Variants in HBG1 observed in about 807,000 individuals in gnomAD.
HBG1 encodes the protein hemoglobin subunit gamma 1, also known as hemoglobin subunit gamma-1.
A neutral mutation model predicts 5.9 loss-of-function variants in HBG1; 1 was observed. The observed-to-expected ratio is 0.17, with a 90% CI of 0.06 to 0.81. The LOEUF (loss-of-function observed/expected upper bound fraction) is 0.81, where lower values mean the gene tolerates loss of function less well. Among genes scored for constraint, HBG1 ranks in the 30% least tolerant of loss-of-function variants. HBG1 has a pLI of 0.73. For missense variants in HBG1, 57 were observed against 122.0 expected (o/e 0.47, Z 2.51); for synonymous variants, 19 against 50.5 (o/e 0.38, Z 2.64).
At position 5,249,737 on chromosome 11, in the gene HBG1, T is replaced by C. The variant is rs33970907; in HGVS notation, c.68A>G (p.Asp23Gly). Reference sequence around the variant, plus strand: ...CCTTCCCAGGGTTTCTCCTCCAGCATCTTCCACATTCACCTTGCCCCACAG... The same window carrying C: ...CCTTCCCAGGGTTTCTCCTCCAGCACCTTCCACATTCACCTTGCCCCACAG... ...TSLWGKVNVEDAGGETLGRLL... is the reference protein window; with the variant it reads ...TSLWGKVNVEGAGGETLGRLL... The change falls in exon 1 of 3, where the codon GAT becomes GGT. Residue 23 changes from aspartate (D) to glycine (G), a missense_variant. By Grantham distance (94) the Asp-to-Gly change is moderately conservative (BLOSUM62 -1). Coordinates refer to ENST00000330597, the MANE Select transcript of HBG1 (RefSeq NM_000559.3). 8.4e-6 allele frequency: 3 copies of C among 358,738 alleles called. No homozygotes were observed. The highest frequency in any genetic ancestry group is 5.2e-5 in the South Asian group (2 of 38,788). The allele number at this position is 358,738 out of a possible 1,614,324, so 22.2% of individuals were successfully genotyped here.
intron 2 of HBG1, among the ~76,000 whole-genome samples, chr11:5,248,705 C>T (rs112322543): frequency 3.0e-4 from 46 of 151,424 alleles, no homozygotes; most frequent in Non-Finnish European, 5.1e-4. Flanking sequence ...CTTCTTGCCA[C>T]CATGAACCCT....
In HBG1 at chr11:5,248,338, T is replaced by C. The variant is rs1246969291; in HGVS notation, c.*21A>G. On this transcript the variant is annotated 3_prime_UTR_variant, in exon 3 of 3. Transcript: ENST00000330597. ...CAGAATAAAGCCTATCCTTGAAAGC[T>C]CTGAATCATGGGCAGTGAGCTCAGT... The C allele has an allele frequency of 6.8e-6, 11 of 1,613,564 alleles. No homozygotes were observed. Among genetic ancestry groups the C allele is most frequent in the African/African-American group, 1.3e-5 (1 of 74,916 alleles).
intron 2 of HBG1, among the ~76,000 whole-genome samples, chr11:5,248,906 G>C (rs1847914069): frequency 6.7e-6 from 1 of 148,742 alleles, no homozygotes. Context: ...TTGTAATGAA[G>C]CATTAGCAGC....
chr11:5,249,222 C>T (rs1847918694), intron 2 of HBG1, 146 bp downstream of exon 2: 2 of 747,734 alleles, frequency 2.7e-6, no homozygotes, highest in Non-Finnish European at 4.5e-6. Context: ...CACTGGGTCT[C>T]AGCCCAGTTA....
rs559993862 is a variant in HBG1 at position 5,248,376 on chromosome 11, A to C, written c.427T>G (p.Ser143Ala). ...KMVTAVASALSSRYH is the reference protein window; with the variant it reads ...KMVTAVASALASRYH ...CAGTGAGCTCAGTGGTATCTGGAGG[A>C]CAGGGCACTGGCCACTGCAGTCACC... Residue 143 changes from serine (S) to alanine (A), a missense_variant, in exon 3 of 3, where the codon TCC (serine) becomes GCC (alanine). This residue lies in a region of HBG1 where 43 missense variants were observed against 44.9 expected (regional missense o/e 0.96). Transcript: ENST00000330597. 2.7e-5 allele frequency: 44 copies of C among 1,614,178 alleles called. 2 individuals are homozygous for C. In the South Asian group the frequency reaches 4.0e-4, roughly 14 times the overall value.
In HBG1 at chr11:5,248,327, T is replaced by C. The variant is rs765956335; in HGVS notation, c.*32A>G. ...TGTATTGCTTGCAGAATAAAGCCTATCCTTGAAAGCTCTGAATCATGGGCA... is the reference window on the plus strand; with the variant it reads ...TGTATTGCTTGCAGAATAAAGCCTACCCTTGAAAGCTCTGAATCATGGGCA... On this transcript the variant is annotated 3_prime_UTR_variant, in exon 3 of 3. Transcript: ENST00000330597. 3.1e-6 allele frequency: 5 copies of C among 1,612,576 alleles called. No homozygotes were observed. In the South Asian group the frequency reaches 3.3e-5, roughly 11 times the overall value.
At chr11:5,248,604 C>T (rs1847907695) in intron 2 of HBG1, 117 bp from the exon 3 acceptor site, 2 of 1,187,800 alleles carry the variant, frequency 1.7e-6, no homozygotes, top group Non-Finnish European at 2.5e-6. Context: ...TGTTAACTTC[C>T]CTCAAAGCCT....
At position 5,248,460 on chromosome 11, in the gene HBG1, A is replaced by C. The variant is rs1442230673; in HGVS notation, c.343T>G (p.Leu115Val). Residue 115 changes from leucine to valine, a missense_variant, in exon 3 of 3, where the codon TTG (leucine) becomes GTG (valine). Coordinates refer to ENST00000330597, the MANE Select transcript of HBG1 (RefSeq NM_000559.3). Reference sequence around the variant, plus strand: ...AATTCTTTGCCGAAATGGATTGCCAAAACGGTCACCAGCACATTTCCCAGG... The same window carrying C: ...AATTCTTTGCCGAAATGGATTGCCACAACGGTCACCAGCACATTTCCCAGG... The part of the protein sequence containing the change: ...KLLGNVLVTV[L>V]AIHFGKEFTP... 11 of 1,613,538 alleles carry C rather than the reference A, an allele frequency of 6.8e-6. No individual in the cohort carries two copies. The highest frequency in any genetic ancestry group is 2.7e-5 in the African/African-American group (2 of 74,790).
intron 2 of HBG1, among the ~76,000 whole-genome samples, chr11:5,248,759 C>CAG (rs1171302906): frequency 8.2e-6 from 1 of 121,488 alleles, no homozygotes; most frequent in African/African-American, 4.0e-5. Context: ...CACGCTGACA[C>CAG]ACACACACAC....
chr11:5,248,778 G>A (rs540349574), intron 2 of HBG1, among the ~76,000 whole-genome samples: 6,009 of 86,278 alleles, frequency 0.07, 460 homozygotes, highest in African/African-American at 0.2. Context: ...ACACGCGCGC[G>A]CGCACACACA....
intron 2 of HBG1, 118 bp from the exon 3 acceptor site, chr11:5,248,605 C>T: frequency 8.4e-7 from 1 of 1,191,102 alleles, no homozygotes; most frequent in Non-Finnish European, 1.2e-6. Flanking sequence ...GTTAACTTCC[C>T]TCAAAGCCTG....
At chr11:5,248,789 C>CAA (rs1564884574) in intron 2 of HBG1, among the ~76,000 whole-genome samples, 10 of 144,304 alleles carry the variant, frequency 6.9e-5, no homozygotes, top group African/African-American at 2.6e-4. Context: ...CGCACACACA[C>CAA]ACACACACAC....
At chr11:5,248,782 A>G (rs28699013) in intron 2 of HBG1, among the ~76,000 whole-genome samples, 59,795 of 145,478 alleles carry the variant, frequency 0.41, 13,358 homozygotes, top group East Asian at 0.75. Context: ...GCGCGCGCGC[A>G]CACACACACA....
intron 2 of HBG1, among the ~76,000 whole-genome samples, 180 bp downstream of exon 2, chr11:5,249,188 A>G (rs11036455): frequency 0.6 from 78,550 of 131,042 alleles, 31,340 homozygotes; most frequent in East Asian, 0.88. Flanking sequence ...TTTTAGAGGC[A>G]CTCCTTAGGC....
intron 2 of HBG1, among the ~76,000 whole-genome samples, chr11:5,248,795 C>CACAA (rs1382875095): frequency 6.7e-6 from 1 of 150,042 alleles, no homozygotes; most frequent in African/African-American, 2.5e-5. Context: ...CACACACACA[C>CACAA]ACACAGAGCT....
chr11:5,248,754 TGA>T (rs1847910873), intron 2 of HBG1, among the ~76,000 whole-genome samples: 4 of 126,638 alleles, frequency 3.2e-5, no homozygotes, highest in South Asian at 2.4e-4. Flanking sequence ...AAACACACGC[TGA>T]CACACACACA....
Position 5,248,428 on chromosome 11 carries a change from A to T in HBG1, c.375T>A (p.Pro125=), listed in dbSNP as rs1564884339. Reference sequence around the variant, plus strand: ...TCTTCTGCCAGGAAGCCTGCACCTCAGGGGTGAATTCTTTGCCGAAATGGA... The same window carrying T: ...TCTTCTGCCAGGAAGCCTGCACCTCTGGGGTGAATTCTTTGCCGAAATGGA... ...LAIHFGKEFT[P]EVQASWQKMV... Residue 125 remains proline, a synonymous_variant, in exon 3 of 3, where the codon CCT becomes CCA. Coordinates refer to ENST00000330597, the MANE Select transcript of HBG1 (RefSeq NM_000559.3). The T allele has an allele frequency of 1.2e-6, 2 of 1,614,092 alleles. No individual in the cohort carries two copies. Among genetic ancestry groups the T allele is most frequent in the Non-Finnish European group, 1.7e-6 (2 of 1,179,994 alleles).
Position 5,248,328 on chromosome 11 carries a change from C to A in HBG1, c.*31G>T. On this transcript the variant is annotated 3_prime_UTR_variant, in exon 3 of 3. Transcript: ENST00000330597. The stretch of plus-strand genomic sequence containing the variant: ...GTATTGCTTGCAGAATAAAGCCTAT[C>A]CTTGAAAGCTCTGAATCATGGGCAG... 2 of 1,612,846 alleles carry A rather than the reference C, an allele frequency of 1.2e-6. No individual in the cohort carries two copies. The highest frequency in any genetic ancestry group is 1.7e-6 in the Non-Finnish European group (2 of 1,178,872).
Position 5,249,569 on chromosome 11 carries a change from C to A in HBG1, c.114G>T (p.Trp38Cys). ...TLGRLLVVYP[W>C]TQRFFDSFGN... ...CAAAGCTGTCAAAGAACCTCTGGGT[C>A]CATGGGTAGACAACCAGGAGCCTGT... Residue 38 changes from tryptophan (W) to cysteine (C), a missense_variant, in exon 2 of 3, where the codon TGG becomes TGT. Physicochemically the swap from Trp to Cys is radical, Grantham distance 215. Around this residue, in one of 2 missense-constraint regions of HBG1, gnomAD observed 14 missense variants for 77.0 expected, o/e 0.18. Transcript: ENST00000330597. 1.2e-6 allele frequency: 1 copy of A among 857,812 alleles called. No individual in the cohort carries two copies. Among genetic ancestry groups the A allele is most frequent in the Non-Finnish European group, 1.7e-6 (1 of 589,404 alleles). 53.1% of individuals were successfully genotyped at this position (857,812 alleles called of 1,614,324 possible).
Sources: gnomAD v4.1 joint callset for allele counts (sites outside exome capture counted in the v4.1 genomes callset) on GRCh38, gnomAD v4.1.1 for gene constraint, gnomAD v4.1.1 regional missense constraint, MANE v1.5 for transcripts, NCBI Gene and HGNC (gene_info 2026-07-23, HGNC 2026-07-21) for gene names.